GSTM2: variants seen among roughly 807,000 people sequenced by gnomAD.
GSTM2 encodes the protein glutathione S-transferase mu 2, also known as GST class-mu 2.
Under a neutral mutation model 33.3 loss-of-function variants are expected in GSTM2, and 33 were observed. The observed-to-expected ratio is 0.99, with a 90% confidence interval of 0.75 to 1.33. The LOEUF is 1.33. Among genes scored for constraint, GSTM2 ranks in the 40% most tolerant of loss-of-function variants. The pLI is 0.00. For missense variants in GSTM2, 213 were observed against 265.8 expected (o/e 0.80, Z 1.38); for synonymous variants, 93 against 95.6 (o/e 0.97, Z 0.16).
At chr1:109,671,933 T>C (rs1268928586) in intron 7 of GSTM2, among the ~76,000 whole-genome samples, 1 of 132,032 alleles carries the variant, frequency 7.6e-6, no homozygotes, top group African/African-American at 3.0e-5. Flanking sequence ...ATCGTGCCAC[T>C]GCATTCCAGC....
chr1:109,671,642 G>T, intron 7 of GSTM2, 59 bp downstream of exon 7: 1 of 981,690 alleles, frequency 1.0e-6, no homozygotes, highest in Non-Finnish European at 1.7e-6. Context: ...CCTTTGTGAT[G>T]CTTTCCCAGT....
chr1:109,668,890 G>A, intron 2 of GSTM2, 35 bp from the exon 3 acceptor site: 1 of 1,611,802 alleles, frequency 6.2e-7, no homozygotes. Context: ...TGGGCTTTGG[G>A]GAGGTTTGTT....
downstream of GSTM2, among the ~76,000 whole-genome samples, chr1:109,677,163 C>T (rs71663076): frequency 6.6e-6 from 1 of 152,110 alleles, no homozygotes; most frequent in East Asian, 1.9e-4. Context: ...GAATGGCTGA[C>T]ATTGAAAGGA....
intron 7 of GSTM2, among the ~76,000 whole-genome samples, chr1:109,672,290 A>G (rs1647572093): frequency 6.6e-6 from 1 of 152,222 alleles, no homozygotes; most frequent in Admixed American, 6.5e-5. Flanking sequence ...CAAACAAAAA[A>G]AAGAAGAAAA....
At chr1:109,668,540 T>C in intron 2 of GSTM2, 40 bp downstream of exon 2, 1 of 1,609,116 alleles carries the variant, frequency 6.2e-7, no homozygotes, top group Non-Finnish European at 8.5e-7. Context: ...CCCCTCACAC[T>C]AAGTTGGCAC....
chr1:109,676,095 G>A (rs536536735), downstream of GSTM2, among the ~76,000 whole-genome samples: 94 of 152,278 alleles, frequency 6.2e-4, 1 homozygote, highest in South Asian at 6.2e-3. Flanking sequence ...ATTCACTACC[G>A]TGAGAACAGT....
chr1:109,678,219 A>C (rs1647752952), downstream of GSTM2, among the ~76,000 whole-genome samples: 1 of 152,138 alleles, frequency 6.6e-6, no homozygotes, highest in Non-Finnish European at 1.5e-5. Context: ...ATCTCAGCTC[A>C]CTGCAACCTC....
intron 5 of GSTM2, 187 bp downstream of exon 5, chr1:109,669,758 C>T (rs922199868): frequency 1.7e-6 from 1 of 585,050 alleles, no homozygotes; most frequent in Non-Finnish European, 3.1e-6. Context: ...GAGTTTGTTC[C>T]TTCAGATGTT....
At chr1:109,670,938 C>T (rs1647514817) in intron 5 of GSTM2, 1 of 216,714 alleles carries the variant, frequency 4.6e-6, no homozygotes, top group East Asian at 9.6e-5. Context: ...CTCTGAGCTC[C>T]TTTAGTTCTT....
rs944016635 is a variant in GSTM2, at chr1:109,680,321, ATAAG to A, written c.567+8744_567+8747del. ...ATACACAAGTGGGTCACCATCATCA[ATAAG>A]TAAGTTTTATAAAATCAAACACAAG... On this transcript the variant is annotated intron_variant, in intron 7 of 7. Coordinates refer to the GSTM2 transcript ENST00000369831. 4.6e-5 allele frequency among the ~76,000 whole-genome samples: 7 copies of A among 151,786 alleles called. 1 individual carries two copies. In the South Asian group the frequency reaches 1.0e-3, roughly 23 times the overall value.
chr1:109,669,875 C>G, intron 5 of GSTM2: 1 of 300,366 alleles, frequency 3.3e-6, no homozygotes, highest in African/African-American at 2.2e-5. Context: ...AAAGGTGGCG[C>G]GTCTGGAGTT....
intron 5 of GSTM2, 52 bp downstream of exon 5, chr1:109,669,623 C>A: frequency 8.8e-7 from 1 of 1,134,630 alleles, no homozygotes; most frequent in South Asian, 1.3e-5. Flanking sequence ...CCCAGTCTCC[C>A]CTTTCCCTGC....
At chr1:109,671,047 AT>A in intron 5 of GSTM2, 1 of 526,586 alleles carries the variant, frequency 1.9e-6, no homozygotes, top group Non-Finnish European at 3.4e-6. Context: ...GTGGGGACAG[AT>A]TTAGGGACAG....
At chr1:109,669,178 C>G (rs1647437397) in intron 3 of GSTM2, 112 bp from the exon 4 acceptor site, 1 of 1,345,682 alleles carries the variant, frequency 7.4e-7, no homozygotes, top group Non-Finnish European at 1.1e-6. Context: ...GTATTTCTAT[C>G]TCAGGCCTGC....
At chr1:109,673,743 TG>T (rs1647622498) in intron 7 of GSTM2, among the ~76,000 whole-genome samples, 1 of 152,136 alleles carries the variant, frequency 6.6e-6, no homozygotes, top group South Asian at 2.1e-4. Context: ...GGATTACAGG[TG>T]CCCGCCACCA....
At chr1:109,673,338 A>G in intron 7 of GSTM2, 1 of 1,488,072 alleles carries the variant, frequency 6.7e-7, no homozygotes, top group Non-Finnish European at 9.2e-7. Context: ...GTGCAGTGAG[A>G]GGCCTGCAGG....
intron 1 of GSTM2, 65 bp downstream of exon 1, chr1:109,668,216 G>A (rs1440000065): frequency 6.6e-7 from 1 of 1,506,970 alleles, no homozygotes; most frequent in African/African-American, 1.4e-5. Context: ...TGGAGCAGCT[G>A]CAGGACGGGC....
At chr1:109,672,002 G>A (rs1006927775) in intron 7 of GSTM2, among the ~76,000 whole-genome samples, 9 of 149,306 alleles carry the variant, frequency 6.0e-5, no homozygotes, top group African/African-American at 9.9e-5. Context: ...AAAAGGAGCC[G>A]GGCATGGTGG....
chr1:109,670,488 T>C (rs1052949028), intron 5 of GSTM2, among the ~76,000 whole-genome samples: 1 of 152,074 alleles, frequency 6.6e-6, no homozygotes, highest in African/African-American at 2.4e-5. Context: ...AACCCCAAAG[T>C]CGTGTCAAAT....
Sources: gnomAD v4.1 joint callset for allele counts (sites outside exome capture counted in the v4.1 genomes callset) on GRCh38, gnomAD v4.1.1 for gene constraint, MANE v1.5 for transcripts, NCBI Gene and HGNC (gene_info 2026-07-23, HGNC 2026-07-21) for gene names.